Variants in BTD observed in about 807,000 individuals in gnomAD.
The protein encoded by BTD is biocytinase.
BTD carries 13 observed loss-of-function variants against 17.7 expected under a neutral mutation model. The observed-to-expected ratio is 0.74, with a 90% CI of 0.48 to 1.17. BTD has a LOEUF of 1.17. Among genes scored for constraint, BTD ranks in the 50% most tolerant of loss-of-function variants. BTD has a pLI of 0.00. For synonymous variants in BTD, 240 were observed against 245.2 expected, an observed-to-expected ratio of 0.98 and a Z score of 0.20; for missense variants, 674 against 650.4, an observed-to-expected ratio of 1.04 and a Z score of -0.39.
intron 3 of BTD, among the ~76,000 whole-genome samples, chr3:15,703,867 A>C (rs1468425138): frequency 6.6e-6 from 1 of 152,232 alleles, no homozygotes; most frequent in Non-Finnish European, 1.5e-5. Context: ...GCTTTATAAC[A>C]TATACCAGGA....
intron 3 of BTD, among the ~76,000 whole-genome samples, chr3:15,675,466 G>C (rs2066839631): frequency 6.6e-6 from 1 of 152,148 alleles, no homozygotes; most frequent in Admixed American, 6.5e-5. Flanking sequence ...TACAGGAAGA[G>C]AGCGAAAAAT....
rs2065685634 is a variant in BTD, at chr3:15,645,966, T to A, written c.*478T>A. ...AAAGCTCAATTAGAAATGGCCCTTG[T>A]GGGGAACCTTCCCATTCTGGTCGAC... On this transcript the variant is annotated 3_prime_UTR_variant, in exon 4 of 4. Transcript: ENST00000643237. 6.5e-6 allele frequency: 1 copy of A among 154,850 alleles called. No homozygotes were observed. Among genetic ancestry groups the A allele is most frequent in the Non-Finnish European group, 1.4e-5 (1 of 70,054 alleles). 9.6% of individuals were successfully genotyped at this position (154,850 alleles called of 1,614,324 possible). A position where few individuals can be genotyped will look rare whatever the true frequency, so the allele number is the denominator to read the frequency against.
At chr3:15,671,628 A>G (rs1394807588) in intron 3 of BTD, among the ~76,000 whole-genome samples, 5 of 149,566 alleles carry the variant, frequency 3.3e-5, no homozygotes, top group Admixed American at 1.3e-4. Context: ...CGGTCACCCA[A>G]GCTGAAGTTC....
At chr3:15,627,138 A>G (rs2065085809) in intron 1 of BTD, among the ~76,000 whole-genome samples, 1 of 152,138 alleles carries the variant, frequency 6.6e-6, no homozygotes. Flanking sequence ...CTGCCCTCCA[A>G]CCGAACACCC....
In BTD at chr3:15,647,490, A is replaced by T. The variant is rs1030030713; in HGVS notation, c.*2002A>T. The T allele has an allele frequency of 6.6e-6, 1 of 152,190 alleles. No individual in the cohort carries two copies. Among genetic ancestry groups the T allele is most frequent in the Non-Finnish European group, 1.5e-5 (1 of 68,026 alleles). The allele number at this position is 152,190 out of a possible 1,614,324, so 9.4% of individuals were successfully genotyped here. A position where few individuals can be genotyped will look rare whatever the true frequency, so the allele number is the denominator to read the frequency against. On this transcript the variant is annotated 3_prime_UTR_variant, in exon 4 of 4. Coordinates refer to ENST00000643237, the MANE Select transcript of BTD (RefSeq NM_001370658.1). Reference sequence around the variant, plus strand: ...TTTCCCTGAGTTATTTTCTACCAACAATTTAGAATGAATTGCTCGTGAAGT... The same window carrying T: ...TTTCCCTGAGTTATTTTCTACCAACTATTTAGAATGAATTGCTCGTGAAGT...
At position 15,615,505 on chromosome 3, in the gene BTD, TA is replaced by T. The variant is rs1387277807; in HGVS notation, c.-17+13614del. ...TCTGTCCTTCATGGTCTTTAAAATC[TA>T]AACCCCTTGGATATCAAGATTGGGA... On this transcript the variant is annotated intron_variant, in intron 1 of 3. Coordinates refer to ENST00000643237, the MANE Select transcript of BTD (RefSeq NM_001370658.1). 6.6e-5 allele frequency among the ~76,000 whole-genome samples: 10 copies of T among 152,368 alleles called. No homozygotes were observed. In the East Asian group the frequency reaches 1.9e-3, roughly 29 times the overall value.
chr3:15,632,783 C>T (rs1186915360), intron 1 of BTD: 1 of 152,618 alleles, frequency 6.6e-6, no homozygotes, highest in African/African-American at 2.4e-5. Context: ...AGTCCTGCCA[C>T]TTTACAACTG....
At chr3:15,668,355 AT>A (rs879319232) in intron 3 of BTD, 2,277 of 145,132 alleles carry the variant, frequency 0.016, 48 homozygotes, top group African/African-American at 0.048. Flanking sequence ...AATCTGCTTG[AT>A]TTTTTTTTTT....
chr3:15,602,628 A>AT (rs1185437198), intron 1 of BTD, among the ~76,000 whole-genome samples: 1 of 152,204 alleles, frequency 6.6e-6, no homozygotes, highest in Non-Finnish European at 1.5e-5. Context: ...AAGAACAGTG[A>AT]TAAGTGGACA....
rs1332158629 is a variant in BTD at position 15,648,002 on chromosome 3, A to G, written c.*2514A>G. Among the ~76,000 whole-genome samples the G allele has an allele frequency of 2.0e-5, 3 of 152,166 alleles. No homozygotes were observed. The highest frequency in any genetic ancestry group is 4.4e-5 in the Non-Finnish European group (3 of 68,012). ...AGCCCCTGCTGAGGGAAACCCACCCAGGCCACTTTTCCCCACAGGTGGCCC... is the reference window on the plus strand; with the variant it reads ...AGCCCCTGCTGAGGGAAACCCACCCGGGCCACTTTTCCCCACAGGTGGCCC... On this transcript the variant is annotated 3_prime_UTR_variant, in exon 4 of 4. Transcript: ENST00000643237.
intron 4 of BTD, chr3:15,721,113 A>G (rs377648040): frequency 1.2e-6 from 2 of 1,610,726 alleles, no homozygotes; most frequent in Non-Finnish European, 1.7e-6. Flanking sequence ...TTCCATAGGC[A>G]TTTGGTTCAT....
rs1378878793 is a variant in BTD, at chr3:15,677,125, C to G, written c.400-32935C>G. ...AAGATACATTTATACACCCAACAAT[C>G]TGCAATCCTAGTCCATATATTATGT... On this transcript the variant is annotated intron_variant, in intron 3 of 3. Coordinates refer to the BTD transcript ENST00000672141. The G allele has an allele frequency of 3.3e-6, 4 of 1,225,732 alleles. No homozygotes were observed. The Admixed American group carries it at 6.8e-5, about 21-fold the overall frequency. 75.9% of individuals were successfully genotyped at this position (1,225,732 alleles called of 1,614,324 possible).
intron 3 of BTD, chr3:15,694,725 A>G: frequency 6.2e-7 from 1 of 1,610,408 alleles, no homozygotes; most frequent in South Asian, 1.1e-5. Flanking sequence ...GTCGGCTATG[A>G]AGGCAGTACT....
intron 1 of BTD, chr3:15,631,441 A>G (rs774706615): frequency 1.6e-5 from 24 of 1,534,666 alleles, no homozygotes; most frequent in Non-Finnish European, 8.7e-7. Flanking sequence ...CACTATTGTA[A>G]TAGCATGGCT....
At chr3:15,642,856 A>C (rs1397278605) in intron 3 of BTD, among the ~76,000 whole-genome samples, 2 of 151,908 alleles carry the variant, frequency 1.3e-5, no homozygotes, top group Non-Finnish European at 2.9e-5. Flanking sequence ...CTGTAAAATA[A>C]AATTTTTAGA....
intron 1 of BTD, chr3:15,602,234 T>A (rs2064283955): frequency 7.6e-7 from 1 of 1,312,624 alleles, no homozygotes; most frequent in African/African-American, 1.5e-5. Flanking sequence ...ATCCAGACCG[T>A]GCCTGAGATC....
At chr3:15,676,750 C>A in intron 3 of BTD, 1 of 383,860 alleles carries the variant, frequency 2.6e-6, no homozygotes, top group East Asian at 4.8e-5. Context: ...GAAAAAAATA[C>A]ATTATTGTCA....
At chr3:15,694,482 A>C (rs2069244701) in intron 3 of BTD, among the ~76,000 whole-genome samples, 1 of 151,820 alleles carries the variant, frequency 6.6e-6, no homozygotes, top group Admixed American at 6.6e-5. Context: ...CTCTCCCCAG[A>C]AGGCCCTGGG....
At chr3:15,709,621 T>A in intron 3 of BTD, 1 of 1,325,176 alleles carries the variant, frequency 7.5e-7, no homozygotes, top group East Asian at 2.5e-5. Context: ...GTCAATCAAG[T>A]TATTAAGTAA....
Sources: allele counts gnomAD v4.1 joint callset (sites outside exome capture counted in the v4.1 genomes callset), GRCh38; gene constraint gnomAD v4.1.1; transcripts MANE v1.5; gene names NCBI Gene and HGNC (gene_info 2026-07-23, HGNC 2026-07-21).